PALS2: variants seen among roughly 807,000 people sequenced by gnomAD.
The protein encoded by PALS2 is protein associated with LIN7 2, MAGUK p55 family member.
A neutral mutation model predicts 61.6 loss-of-function variants in PALS2; 27 were observed. The ratio of observed to expected loss-of-function variants is 0.44; its 90% CI spans 0.32 to 0.60. The LOEUF is 0.60. PALS2 is among the 20% of genes least tolerant of loss of function. PALS2 has a pLI of 0.05. For synonymous variants in PALS2, 236 were observed against 218.6 expected (o/e 1.08, Z -0.70); for missense variants, 554 against 639.4 (o/e 0.87, Z 1.44).
At chr7:24,624,270 C>CATTG in intron 2 of PALS2, 1 of 410,540 alleles carries the variant, frequency 2.4e-6, no homozygotes. Context: ...CTCTTTAACT[C>CATTG]ATTGATAAGT....
At chr7:24,632,397 A>G (rs1785037636) in intron 2 of PALS2, among the ~76,000 whole-genome samples, 1 of 152,032 alleles carries the variant, frequency 6.6e-6, no homozygotes, top group Non-Finnish European at 1.5e-5. Flanking sequence ...TCACTCTGAC[A>G]GTCTCTTTGT....
At chr7:24,663,222 CTATAT>C (rs1786832147) in intron 5 of PALS2, among the ~76,000 whole-genome samples, 1 of 152,068 alleles carries the variant, frequency 6.6e-6, no homozygotes, top group Admixed American at 6.5e-5. Context: ...AATCAACTAC[CTATAT>C]TATATTTCAG....
chr7:24,629,390 A>G (rs569915666), intron 2 of PALS2, among the ~76,000 whole-genome samples: 2 of 152,366 alleles, frequency 1.3e-5, no homozygotes, highest in African/African-American at 4.8e-5. Flanking sequence ...AAACCCTAGA[A>G]GAAAACCTAG....
At chr7:24,604,681 C>T (rs1783833906) in intron 1 of PALS2, among the ~76,000 whole-genome samples, 1 of 152,190 alleles carries the variant, frequency 6.6e-6, no homozygotes, top group African/African-American at 2.4e-5. Context: ...CCTAACTTGG[C>T]AGAGACAGTG....
At chr7:24,679,099 T>C in intron 9 of PALS2, 32 bp from the exon 10 acceptor site, 1 of 1,597,498 alleles carries the variant, frequency 6.3e-7, no homozygotes, top group Non-Finnish European at 8.6e-7. Flanking sequence ...TAAAATTTCT[T>C]TGTACAAAAA....
intron 2 of PALS2, among the ~76,000 whole-genome samples, chr7:24,641,038 T>C (rs1283390499): frequency 6.7e-6 from 1 of 148,202 alleles, no homozygotes; most frequent in Non-Finnish European, 1.5e-5. Context: ...AAAGAATTAC[T>C]TACTTTCTGT....
At chr7:24,669,613 G>T (rs1457825836) in intron 9 of PALS2, among the ~76,000 whole-genome samples, 2 of 152,018 alleles carry the variant, frequency 1.3e-5, no homozygotes, top group Non-Finnish European at 2.9e-5. Flanking sequence ...TCAAATCCTA[G>T]GCTAACTTTA....
chr7:24,680,981 G>GA (rs1161990462), intron 11 of PALS2, among the ~76,000 whole-genome samples: 2 of 152,140 alleles, frequency 1.3e-5, no homozygotes, highest in Non-Finnish European at 2.9e-5. Context: ...TTAGGATCTG[G>GA]AACAGTATTC....
intron 1 of PALS2, among the ~76,000 whole-genome samples, chr7:24,620,419 A>G (rs909801519): frequency 3.3e-5 from 5 of 152,234 alleles, no homozygotes; most frequent in African/African-American, 9.6e-5. Flanking sequence ...CAGCATTATA[A>G]TATTTGAGAT....
At chr7:24,593,861 A>T (rs56286681) in intron 1 of PALS2, among the ~76,000 whole-genome samples, 1 of 152,022 alleles carries the variant, frequency 6.6e-6, no homozygotes, top group African/African-American at 2.4e-5. Context: ...GTAAATGAGG[A>T]TTGGCTTCAG....
intron 2 of PALS2, among the ~76,000 whole-genome samples, chr7:24,637,199 T>C (rs1316413932): frequency 6.6e-6 from 1 of 152,080 alleles, no homozygotes; most frequent in Non-Finnish European, 1.5e-5. Context: ...ATGTAACTTA[T>C]CTAATCTCGG....
chr7:24,649,575 A>G (rs772278247), intron 3 of PALS2, 37 bp from the exon 4 acceptor site: 14 of 1,489,872 alleles, frequency 9.4e-6, no homozygotes, highest in Non-Finnish European at 1.2e-5. Flanking sequence ...TCATCCACAT[A>G]TCATAAATAA....
At chr7:24,664,812 C>T (rs948744652) in intron 6 of PALS2, among the ~76,000 whole-genome samples, 3 of 151,894 alleles carry the variant, frequency 2.0e-5, no homozygotes, top group African/African-American at 7.2e-5. Context: ...TCCAGTTTTC[C>T]ATTTTTTTTC....
chr7:24,645,195 A>T (rs1704796333), intron 3 of PALS2, among the ~76,000 whole-genome samples: 1 of 152,122 alleles, frequency 6.6e-6, no homozygotes. Context: ...CTTTGTTGTG[A>T]AATCTTTGAC....
chr7:24,631,596 G>A (rs1784997834), intron 2 of PALS2, among the ~76,000 whole-genome samples: 1 of 152,152 alleles, frequency 6.6e-6, no homozygotes, highest in Admixed American at 6.5e-5. Context: ...GTTTTGCTTG[G>A]ATAAAATGCT....
chr7:24,634,481 C>T (rs1488356284), intron 2 of PALS2, among the ~76,000 whole-genome samples: 2 of 152,182 alleles, frequency 1.3e-5, no homozygotes, highest in Admixed American at 6.5e-5. Context: ...CCATCCGCCT[C>T]GGCCTCCTAA....
intron 1 of PALS2, among the ~76,000 whole-genome samples, chr7:24,607,695 A>C (rs566616133): frequency 1.3e-5 from 2 of 151,600 alleles, no homozygotes; most frequent in South Asian, 4.2e-4. Flanking sequence ...GTGTATGTGT[A>C]TTTGTTTTTG....
intron 3 of PALS2, among the ~76,000 whole-genome samples, chr7:24,645,168 G>C (rs2128074068): frequency 6.6e-6 from 1 of 152,214 alleles, no homozygotes. Flanking sequence ...GGCTTTTGTT[G>C]TGATTGCTTT....
chr7:24,662,768 G>GAAAAAAAAAAA (rs59367702), intron 5 of PALS2, among the ~76,000 whole-genome samples: 13 of 102,614 alleles, frequency 1.3e-4, no homozygotes, highest in Non-Finnish European at 1.6e-4. Flanking sequence ...GACTCCATCT[G>GAAAAAAAAAAA]AAAAAAAAAA....
Sources: allele counts gnomAD v4.1 joint callset (sites outside exome capture counted in the v4.1 genomes callset), GRCh38; gene constraint gnomAD v4.1.1; transcripts MANE v1.5; gene names NCBI Gene and HGNC (gene_info 2026-07-23, HGNC 2026-07-21).